The following DENND6A variants were observed in gnomAD, a reference collection of about 807,000 sequenced individuals.
DENND6A encodes the protein DENN domain containing 6A, also known as protein DENND6A.
In DENND6A, 43 loss-of-function variants were observed where a neutral mutation model predicts 95.5. That is an observed-to-expected ratio of 0.45 (90% confidence interval 0.35 to 0.58). The LOEUF (loss-of-function observed/expected upper bound fraction) is 0.58. Among genes scored for constraint, DENND6A ranks in the 20% least tolerant of loss-of-function variants. The pLI, the probability that DENND6A is intolerant of heterozygous loss-of-function variation, is 0.00. For missense variants in DENND6A, 574 were observed against 736.0 expected, an observed-to-expected ratio of 0.78 and a Z score of 2.55; for synonymous variants, 257 against 260.4, an observed-to-expected ratio of 0.99 and a Z score of 0.13.
chr3:57,634,293 C>A (rs1399697823), intron 14 of DENND6A, among the ~76,000 whole-genome samples: 2 of 151,928 alleles, frequency 1.3e-5, no homozygotes, highest in South Asian at 2.1e-4. Flanking sequence ...ATTAGCCAGG[C>A]ATGATGGTGC....
Position 57,628,186 on chromosome 3 carries a change from C to G in DENND6A, c.*28G>C, listed in dbSNP as rs1250640120. 6.2e-7 allele frequency: 1 copy of G among 1,605,996 alleles called. No individual in the cohort carries two copies. The highest frequency in any genetic ancestry group is 1.3e-5 in the African/African-American group (1 of 74,690). On this transcript the variant is annotated 3_prime_UTR_variant, in exon 20 of 20. Transcript: ENST00000311128. ...TCAGTATGCTTCATGATGCATAATC[C>G]TTTTTGGCTGGAAAATCTTGGCAAA... is the stretch of plus-strand genomic sequence containing the variant.
In DENND6A at chr3:57,660,848, T is replaced by C. The variant is rs766038457; in HGVS notation, c.620-9A>G. 8 of 1,569,480 alleles carry C rather than the reference T, an allele frequency of 5.1e-6. No homozygotes were observed. Among genetic ancestry groups the C allele is most frequent in the Non-Finnish European group, 6.9e-6 (8 of 1,161,732 alleles). On this transcript the variant is annotated splice_polypyrimidine_tract_variant and intron_variant, in intron 6 of 19. Transcript: ENST00000311128. ...ATCAACATCATTACAAGCTGAAAAA[T>C]ATAATAAAATATTTTCTTAGAATAA...
At chr3:57,660,527 T>C (rs1285563909) in intron 7 of DENND6A, among the ~76,000 whole-genome samples, 1 of 151,988 alleles carries the variant, frequency 6.6e-6, no homozygotes, top group Non-Finnish European at 1.5e-5. Flanking sequence ...CTAGGAAACA[T>C]GGCAAGATTC....
At chr3:57,645,625 G>A (rs772681539) in intron 11 of DENND6A, 36 bp downstream of exon 11, 12 of 1,493,646 alleles carry the variant, frequency 8.0e-6, no homozygotes, top group Non-Finnish European at 1.1e-5. Flanking sequence ...TGGTTATAAA[G>A]GTAATACCTG....
At chr3:57,654,450 G>C (rs550824096) in intron 9 of DENND6A, among the ~76,000 whole-genome samples, 6 of 152,102 alleles carry the variant, frequency 3.9e-5, no homozygotes, top group Non-Finnish European at 8.8e-5. Context: ...CAGCCAATGC[G>C]GTAGAAAGCC....
chr3:57,670,546 T>C (rs929742208), intron 3 of DENND6A, among the ~76,000 whole-genome samples: 1 of 152,198 alleles, frequency 6.6e-6, no homozygotes, highest in Admixed American at 6.5e-5. Context: ...TTTTCTCCTC[T>C]TCCTGGTATG....
chr3:57,654,011 G>C (rs542355685), intron 9 of DENND6A, among the ~76,000 whole-genome samples: 40 of 129,770 alleles, frequency 3.1e-4, no homozygotes, highest in Admixed American at 1.6e-3. Flanking sequence ...GCAGTGGCAC[G>C]ATCTCAGCTC....
rs749355716 is a variant in DENND6A at position 57,663,683 on chromosome 3, A to C, written c.466T>G (p.Phe156Val). ...AGAGTTTTATCTCGAACTTGTCGGA[A>C]ATACACATATCCATAAAAATAAGCA... Reference protein sequence around the residue: ...DPAYFYGYVYFRQVRDKTLKR... With the variant: ...DPAYFYGYVYVRQVRDKTLKR... Residue 156 changes from phenylalanine to valine, a missense_variant, in exon 5 of 20, where the codon TTC becomes GTC. This residue lies in a region of DENND6A where 452 missense variants were observed against 630.9 expected (regional missense o/e 0.72). Coordinates refer to ENST00000311128, the MANE Select transcript of DENND6A (RefSeq NM_152678.3). 6.9e-6 allele frequency: 11 copies of C among 1,586,210 alleles called. No homozygotes were observed. The South Asian group carries it at 1.3e-4, about 18-fold the overall frequency.
At chr3:57,677,565 A>T (rs10470695) in intron 1 of DENND6A, among the ~76,000 whole-genome samples, 1 of 151,088 alleles carries the variant, frequency 6.6e-6, no homozygotes, top group Non-Finnish European at 1.5e-5. Context: ...CCTCCTCAGT[A>T]GCTGGGACTA....
chr3:57,628,378 A>G, intron 19 of DENND6A, 33 bp from the exon 20 acceptor site: 1 of 1,604,904 alleles, frequency 6.2e-7, no homozygotes, highest in Non-Finnish European at 8.5e-7. Context: ...CATTTAAATT[A>G]TCCTCAGAAT....
chr3:57,675,234 T>C (rs2071690102), intron 1 of DENND6A, among the ~76,000 whole-genome samples: 1 of 152,218 alleles, frequency 6.6e-6, no homozygotes, highest in Non-Finnish European at 1.5e-5. Flanking sequence ...ATATTTACAT[T>C]AGGTAAAAAA....
intron 1 of DENND6A, among the ~76,000 whole-genome samples, chr3:57,681,125 TA>T (rs1345974101): frequency 1.3e-5 from 2 of 151,936 alleles, no homozygotes; most frequent in Admixed American, 6.6e-5. Context: ...AGCCAAAAAG[TA>T]AAAACAAGCC....
intron 12 of DENND6A, among the ~76,000 whole-genome samples, chr3:57,638,809 T>C (rs2070861929): frequency 6.7e-6 from 1 of 149,060 alleles, no homozygotes; most frequent in Non-Finnish European, 1.5e-5. Flanking sequence ...TCAAAAAAAA[T>C]GAAAAATAAC....
intron 1 of DENND6A, among the ~76,000 whole-genome samples, chr3:57,676,189 C>T (rs2071705881): frequency 6.6e-6 from 1 of 151,892 alleles, no homozygotes; most frequent in Non-Finnish European, 1.5e-5. Context: ...ATCAGCCTGG[C>T]TAACATGGCG....
chr3:57,682,367 A>G (rs2077174240), intron 1 of DENND6A, among the ~76,000 whole-genome samples: 1 of 151,098 alleles, frequency 6.6e-6, no homozygotes, highest in African/African-American at 2.4e-5. Context: ...TAAGATCTTG[A>G]AGATCATAGT....
chr3:57,653,034 C>T (rs1404561785), intron 9 of DENND6A, among the ~76,000 whole-genome samples: 4 of 152,150 alleles, frequency 2.6e-5, no homozygotes, highest in East Asian at 1.9e-4. Context: ...TTGATGGTTG[C>T]GTTGTATACT....
chr3:57,637,656 G>A (rs1222743763), intron 12 of DENND6A, among the ~76,000 whole-genome samples: 2 of 149,256 alleles, frequency 1.3e-5, no homozygotes, highest in African/African-American at 2.5e-5. Flanking sequence ...AACTCAACAA[G>A]CAGAAAAATA....
At chr3:57,679,599 A>T in intron 1 of DENND6A, 1 of 977,968 alleles carries the variant, frequency 1.0e-6, no homozygotes, top group Non-Finnish European at 1.2e-6. Flanking sequence ...TTTGGTCCTA[A>T]TTAGATGTGT....
chr3:57,660,567 G>A (rs2153415491), intron 7 of DENND6A, among the ~76,000 whole-genome samples, 193 bp downstream of exon 7: 1 of 152,250 alleles, frequency 6.6e-6, no homozygotes, highest in East Asian at 1.9e-4. Context: ...AATTAGCCAG[G>A]TGTGTTGGTG....
Sources: gnomAD v4.1 joint callset for allele counts (sites outside exome capture counted in the v4.1 genomes callset) on GRCh38, gnomAD v4.1.1 for gene constraint, gnomAD v4.1.1 regional missense constraint, MANE v1.5 for transcripts, NCBI Gene and HGNC (gene_info 2026-07-23, HGNC 2026-07-21) for gene names.